The following MMS22L variants were observed in gnomAD, a reference collection of about 807,000 sequenced individuals.
MMS22L encodes protein MMS22-like.
MMS22L carries 74 observed loss-of-function variants against 159.1 expected under a neutral mutation model. The observed-to-expected ratio is 0.47, with a 90% CI of 0.39 to 0.56. MMS22L has a LOEUF of 0.56. Ranked by LOEUF, MMS22L falls within the 20% of genes least tolerant of loss-of-function variation. The pLI, the probability that MMS22L is intolerant of heterozygous loss-of-function variation, is 0.00. For synonymous variants in MMS22L, 517 were observed against 506.9 expected (o/e 1.02, Z -0.27); for missense variants, 1,351 against 1,422.1 (o/e 0.95, Z 0.80).
intron 11 of MMS22L, chr6:97,246,238 A>C: frequency 4.7e-6 from 2 of 427,592 alleles, no homozygotes; most frequent in South Asian, 3.5e-5. Context: ...TCAAGCCTGT[A>C]AGACAAATTG....
intron 4 of MMS22L, among the ~76,000 whole-genome samples, chr6:97,276,449 TAAAGG>T (rs1816253118): frequency 1.3e-5 from 2 of 152,120 alleles, no homozygotes; most frequent in Non-Finnish European, 2.9e-5. Context: ...TACGTAAAGG[TAAAGG>T]TATTTTGGTT....
intron 18 of MMS22L, among the ~76,000 whole-genome samples, chr6:97,174,795 GA>G (rs1803962525): frequency 6.6e-6 from 1 of 152,160 alleles, no homozygotes; most frequent in Non-Finnish European, 1.5e-5. Flanking sequence ...CAGAAGCTTT[GA>G]AATGAAAGCT....
chr6:97,173,582 C>T lies in MMS22L; in HGVS notation c.2680-360G>A, dbSNP rs181173723. On this transcript the variant is annotated intron_variant, in intron 18 of 24. Coordinates refer to ENST00000683635, the MANE Select transcript of MMS22L (RefSeq NM_001350599.2). Reference sequence around the variant, plus strand: ...CCAGACAGGTTGGCTCACCATATTTCCCAGATTACTAGGAATTCAAAATCC... The same window carrying T: ...CCAGACAGGTTGGCTCACCATATTTTCCAGATTACTAGGAATTCAAAATCC... Among the ~76,000 whole-genome samples, 500 of 152,198 alleles carry T rather than the reference C, an allele frequency of 3.3e-3. 3 individuals are homozygous for T. The highest frequency in any genetic ancestry group is 0.01 in the Middle Eastern group (3 of 294).
chr6:97,191,938 A>G (rs1446596438), intron 14 of MMS22L, among the ~76,000 whole-genome samples: 1 of 152,210 alleles, frequency 6.6e-6, no homozygotes, highest in Non-Finnish European at 1.5e-5. Context: ...AAAAAATGAG[A>G]AAAAACAATA....
At chr6:97,161,540 A>G (rs1261242354) in intron 22 of MMS22L, among the ~76,000 whole-genome samples, 2 of 152,008 alleles carry the variant, frequency 1.3e-5, no homozygotes, top group Non-Finnish European at 2.9e-5. Flanking sequence ...ACTGGAAGTA[A>G]GGCTGATGAG....
chr6:97,264,576 G>A (rs1300202416), intron 8 of MMS22L: 1 of 151,794 alleles, frequency 6.6e-6, no homozygotes, highest in Non-Finnish European at 1.5e-5. Flanking sequence ...AGAAAGAAAA[G>A]GCATCTAAAC....
chr6:97,206,601 C>T (rs563955510), intron 14 of MMS22L, among the ~76,000 whole-genome samples: 12 of 152,154 alleles, frequency 7.9e-5, no homozygotes, highest in Admixed American at 3.9e-4. Context: ...AATTCTTGTC[C>T]TAACAGTCAA....
At chr6:97,163,396 GCATGGAAGAAGT>G (rs1263053655) in intron 21 of MMS22L, among the ~76,000 whole-genome samples, 1 of 151,886 alleles carries the variant, frequency 6.6e-6, no homozygotes, top group African/African-American at 2.4e-5. Context: ...GAGAAGCATG[GCATGGAAGAAGT>G]CATAGAAGAC....
chr6:97,173,361 TAA>T (rs1222976372), intron 18 of MMS22L, 139 bp from the exon 19 acceptor site: 1 of 657,386 alleles, frequency 1.5e-6, no homozygotes, highest in African/African-American at 1.9e-5. Flanking sequence ...AACCTTCCAA[TAA>T]AGAGACATAG....
At chr6:97,271,885 C>T (rs1199093050) in intron 6 of MMS22L, 1 of 152,194 alleles carries the variant, frequency 6.6e-6, no homozygotes, top group African/African-American at 2.4e-5. Flanking sequence ...GTTGCCCAAG[C>T]TGGTCTCAAA....
chr6:97,194,816 T>C (rs1423388731), intron 14 of MMS22L, among the ~76,000 whole-genome samples: 1 of 152,062 alleles, frequency 6.6e-6, no homozygotes, highest in East Asian at 1.9e-4. Context: ...GTAAGGAGTG[T>C]TTAGGTGAAA....
intron 22 of MMS22L, among the ~76,000 whole-genome samples, chr6:97,155,840 T>C (rs1236630853): frequency 6.6e-6 from 1 of 152,196 alleles, no homozygotes; most frequent in Non-Finnish European, 1.5e-5. Flanking sequence ...ATCCTTTGGG[T>C]ATATACCCAG....
At chr6:97,208,183 A>G (rs1308043401) in intron 14 of MMS22L, among the ~76,000 whole-genome samples, 1 of 152,146 alleles carries the variant, frequency 6.6e-6, no homozygotes, top group African/African-American at 2.4e-5. Context: ...CATGACTTCA[A>G]AACTAATGTA....
chr6:97,272,401 T>C (rs552705416), intron 6 of MMS22L: 1 of 227,054 alleles, frequency 4.4e-6, no homozygotes, highest in South Asian at 1.1e-4. Context: ...ACTTATACTG[T>C]CATAAATCAA....
At chr6:97,239,503 G>GT (rs1562494325) in intron 11 of MMS22L, among the ~76,000 whole-genome samples, 1 of 152,138 alleles carries the variant, frequency 6.6e-6, no homozygotes, top group African/African-American at 2.4e-5. Flanking sequence ...CTGTACTTAA[G>GT]TAAGTAAAAT....
chr6:97,283,922 A>G (rs907106119), upstream of MMS22L, among the ~76,000 whole-genome samples: 2 of 152,246 alleles, frequency 1.3e-5, no homozygotes, highest in African/African-American at 4.8e-5. Context: ...TTGGAAATTA[A>G]GAATCATACT....
chr6:97,180,371 G>A (rs1400684839), intron 16 of MMS22L, among the ~76,000 whole-genome samples: 1 of 152,124 alleles, frequency 6.6e-6, no homozygotes, highest in Non-Finnish European at 1.5e-5. Context: ...AAGGTGCTGG[G>A]ATTACAGGCA....
At chr6:97,263,271 ACC>A in intron 9 of MMS22L, 62 bp downstream of exon 9, 1 of 1,008,334 alleles carries the variant, frequency 9.9e-7, no homozygotes, top group Non-Finnish European at 1.5e-6. Context: ...CTCAGTTAAA[ACC>A]ATTGGATTAA....
intron 11 of MMS22L, among the ~76,000 whole-genome samples, chr6:97,235,800 G>A (rs1811330900): frequency 6.6e-6 from 1 of 152,140 alleles, no homozygotes; most frequent in Admixed American, 6.5e-5. Flanking sequence ...TTGAACAGGT[G>A]AGAAGAGTTA....
Sources: allele counts gnomAD v4.1 joint callset (sites outside exome capture counted in the v4.1 genomes callset), GRCh38; gene constraint gnomAD v4.1.1; transcripts MANE v1.5; gene names NCBI Gene and HGNC (gene_info 2026-07-23, HGNC 2026-07-21).